The following EPHA5 variants were observed in gnomAD, a reference collection of about 807,000 sequenced individuals.
EPHA5 encodes EPH receptor A5.
A neutral mutation model predicts 105.0 loss-of-function variants in EPHA5; 60 were observed. The observed-to-expected ratio is 0.57, with a 90% CI of 0.46 to 0.71. The LOEUF (loss-of-function observed/expected upper bound fraction) is 0.71. Among genes scored for constraint, EPHA5 ranks in the 30% least tolerant of loss-of-function variants. The pLI is 0.00. For missense variants in EPHA5, 1,218 were observed against 1,274.7 expected, an observed-to-expected ratio of 0.96 and a Z score of 0.68; for synonymous variants, 513 against 449.1, an observed-to-expected ratio of 1.14 and a Z score of -1.80.
intron 2 of EPHA5, among the ~76,000 whole-genome samples, chr4:65,607,611 G>A (rs768144119): frequency 2.6e-5 from 4 of 152,122 alleles, no homozygotes; most frequent in Non-Finnish European, 5.9e-5. Flanking sequence ...TTAGAGAAAC[G>A]CAAATCAAAA....
At chr4:65,485,980 C>T (rs1730844162) in intron 5 of EPHA5, among the ~76,000 whole-genome samples, 1 of 152,126 alleles carries the variant, frequency 6.6e-6, no homozygotes, top group South Asian at 2.1e-4. Flanking sequence ...TGTCTTAAAG[C>T]ATCCTTCCTG....
At chr4:65,567,277 T>G (rs537738608) in intron 3 of EPHA5, among the ~76,000 whole-genome samples, 2 of 151,732 alleles carry the variant, frequency 1.3e-5, no homozygotes, top group Admixed American at 6.6e-5. Context: ...AGTAAACCCC[T>G]CTCTTCCGTC....
intron 8 of EPHA5, among the ~76,000 whole-genome samples, chr4:65,379,766 C>T (rs547667607): frequency 6.6e-6 from 1 of 151,708 alleles, no homozygotes; most frequent in East Asian, 1.9e-4. Context: ...ATAAACATTA[C>T]ATTCAGATTA....
At chr4:65,503,506 G>A (rs1298305213) in intron 3 of EPHA5, among the ~76,000 whole-genome samples, 1 of 151,626 alleles carries the variant, frequency 6.6e-6, no homozygotes, top group Non-Finnish European at 1.5e-5. Context: ...TGTAACATTA[G>A]AATATTACAT....
chr4:65,417,752 A>C (rs893467854), intron 6 of EPHA5, among the ~76,000 whole-genome samples: 2 of 152,158 alleles, frequency 1.3e-5, no homozygotes, highest in African/African-American at 4.8e-5. Context: ...AAAGAAAATA[A>C]TATCACAATG....
At chr4:65,386,618 T>C (rs1194575999) in intron 8 of EPHA5, among the ~76,000 whole-genome samples, 1 of 151,844 alleles carries the variant, frequency 6.6e-6, no homozygotes, top group Non-Finnish European at 1.5e-5. Context: ...ATGACAAAGA[T>C]CAAACATTAG....
At chr4:65,479,084 A>G (rs1730107868) in intron 5 of EPHA5, among the ~76,000 whole-genome samples, 1 of 152,132 alleles carries the variant, frequency 6.6e-6, no homozygotes, top group South Asian at 2.1e-4. Flanking sequence ...AATTTATTCC[A>G]TGGATTCATG....
At chr4:65,527,826 G>C (rs1235098358) in intron 3 of EPHA5, among the ~76,000 whole-genome samples, 3 of 151,944 alleles carry the variant, frequency 2.0e-5, no homozygotes, top group Admixed American at 1.3e-4. Context: ...TGTTTTTCCT[G>C]ATTCTCTCCC....
chr4:65,643,373 G>T lies in EPHA5; in HGVS notation c.236C>A (p.Pro79Gln), dbSNP rs267600206. Residue 79 changes from proline (P) to glutamine (Q), a missense_variant, in exon 2 of 17, where the codon CCA (proline) becomes CAA (glutamine). This residue lies in a region of EPHA5 where 233 missense variants were observed against 227.5 expected (regional missense o/e 1.02). Coordinates refer to ENST00000613740, the MANE Select transcript of EPHA5 (RefSeq NM_001281766.3). ...VMGDLGWIAF[P>Q]KNGWEEIGEV... The stretch of plus-strand genomic sequence containing the variant: ...TTTCATAAAACTTACCCCATTTTTT[G>T]GAAAAGCAATCCATCCCAGGTCCCC... The T allele has an allele frequency of 6.2e-7, 1 of 1,611,878 alleles. No homozygotes were observed. Among genetic ancestry groups the T allele is most frequent in the Non-Finnish European group, 8.5e-7 (1 of 1,178,846 alleles).
chr4:65,494,822 T>A (rs907716578), intron 4 of EPHA5, among the ~76,000 whole-genome samples: 4 of 152,172 alleles, frequency 2.6e-5, no homozygotes, highest in Non-Finnish European at 5.9e-5. Context: ...CTCCCAGTTC[T>A]CTATGTTCCT....
rs141055287 is a variant in EPHA5 at position 65,652,742 on chromosome 4, T to C, written c.182-9315A>G. Among the ~76,000 whole-genome samples the C allele has an allele frequency of 2.6e-5, 4 of 152,262 alleles. No individual in the cohort carries two copies. The East Asian group carries it at 7.7e-4, about 29-fold the overall frequency. On this transcript the variant is annotated intron_variant, in intron 1 of 16. Transcript: ENST00000613740. ...TCACCATAATGCTTCAATTTTATTG[T>C]ATATCAGATGAAAATCTTCAGGCAT...
chr4:65,598,723 G>A (rs1308366136), intron 3 of EPHA5, among the ~76,000 whole-genome samples: 3 of 152,136 alleles, frequency 2.0e-5, no homozygotes, highest in African/African-American at 4.8e-5. Context: ...AGATCTGAAG[G>A]ATTAGTGTAT....
chr4:65,386,706 TA>T (rs576784555), intron 8 of EPHA5, among the ~76,000 whole-genome samples: 7 of 151,724 alleles, frequency 4.6e-5, no homozygotes, highest in African/African-American at 7.2e-5. Context: ...TTATGTTAAG[TA>T]AAAAAAACAG....
At chr4:65,625,425 A>G (rs1206750115) in intron 2 of EPHA5, among the ~76,000 whole-genome samples, 1 of 152,226 alleles carries the variant, frequency 6.6e-6, no homozygotes, top group Non-Finnish European at 1.5e-5. Flanking sequence ...AGGCAGATAC[A>G]ATCATACAGT....
chr4:65,653,354 A>G (rs1276908791), intron 1 of EPHA5, among the ~76,000 whole-genome samples: 2 of 152,112 alleles, frequency 1.3e-5, no homozygotes, highest in African/African-American at 4.8e-5. Flanking sequence ...TAAACCCTAC[A>G]TAATGATTTT....
At chr4:65,500,975 A>G (rs150875719) in intron 3 of EPHA5, among the ~76,000 whole-genome samples, 1,696 of 151,392 alleles carry the variant, frequency 0.011, 31 homozygotes, top group African/African-American at 0.039. Context: ...GAAAATCACT[A>G]TGAACAAGAT....
At chr4:65,556,036 T>A (rs1038559674) in intron 3 of EPHA5, among the ~76,000 whole-genome samples, 2 of 152,188 alleles carry the variant, frequency 1.3e-5, no homozygotes, top group African/African-American at 2.4e-5. Flanking sequence ...AATATTCCGA[T>A]GCTGATGAAT....
rs192969818 is a variant in EPHA5 at position 65,591,155 on chromosome 4, T to A, written c.910+10486A>T. ...AAAGTAAATATATTATTATCCTGTCTAAAATAAAAGTTTTCCGTTTTCCAC... is the reference window on the plus strand; with the variant it reads ...AAAGTAAATATATTATTATCCTGTCAAAAATAAAAGTTTTCCGTTTTCCAC... On this transcript the variant is annotated intron_variant, in intron 3 of 16. Transcript: ENST00000613740. Among the ~76,000 whole-genome samples, 11 of 152,238 alleles carry A rather than the reference T, an allele frequency of 7.2e-5. No individual in the cohort carries two copies. In the East Asian group the frequency reaches 1.5e-3, roughly 21 times the overall value.
chr4:65,359,667 T>G (rs1179452803), intron 11 of EPHA5, among the ~76,000 whole-genome samples: 1 of 151,560 alleles, frequency 6.6e-6, no homozygotes, highest in Non-Finnish European at 1.5e-5. Context: ...CTTCAAAATA[T>G]CTACAAAATC....
Sources: gnomAD v4.1 joint callset for allele counts (sites outside exome capture counted in the v4.1 genomes callset) on GRCh38, gnomAD v4.1.1 for gene constraint, gnomAD v4.1.1 regional missense constraint, MANE v1.5 for transcripts, NCBI Gene and HGNC (gene_info 2026-07-23, HGNC 2026-07-21) for gene names.